KAZN: variants seen among roughly 807,000 people sequenced by gnomAD.
KAZN encodes the protein kazrin, periplakin interacting protein.
In KAZN, 40 loss-of-function variants were observed where a neutral mutation model predicts 87.4. The ratio of observed to expected loss-of-function variants is 0.46; its 90% CI spans 0.36 to 0.60. KAZN has a LOEUF of 0.60. KAZN is among the 20% of genes least tolerant of loss of function. The pLI, the probability that KAZN is intolerant of heterozygous loss-of-function variation, is 0.00. For synonymous variants in KAZN, 466 were observed against 458.3 expected (o/e 1.02, Z -0.22); for missense variants, 898 against 1,073.9 (o/e 0.84, Z 2.29).
intron 2 of KAZN, chr1:14,304,716 G>A (rs557823975): frequency 4.5e-5 from 18 of 398,070 alleles, no homozygotes; most frequent in African/African-American, 2.3e-4. Context: ...ATAACCACTC[G>A]AAATCTCTTT....
chr1:14,994,740 A>G (rs1667705236), intron 2 of KAZN, among the ~76,000 whole-genome samples: 1 of 152,212 alleles, frequency 6.6e-6, no homozygotes, highest in Admixed American at 6.5e-5. Context: ...TGTAGCATTT[A>G]CAGGTCCTTT....
At chr1:14,913,884 G>A (rs757667774) in intron 1 of KAZN, among the ~76,000 whole-genome samples, 5 of 152,236 alleles carry the variant, frequency 3.3e-5, no homozygotes, top group Admixed American at 6.5e-5. Flanking sequence ...CCAGGCAGGT[G>A]GCCTCCTGAC....
chr1:14,576,335 C>T (rs987451816), intron 2 of KAZN, among the ~76,000 whole-genome samples: 16 of 142,906 alleles, frequency 1.1e-4, no homozygotes, highest in African/African-American at 2.2e-4. Context: ...GATGGATGGA[C>T]GGACAGATAA....
intron 2 of KAZN, among the ~76,000 whole-genome samples, chr1:14,188,489 G>T (rs1019147372): frequency 6.6e-6 from 1 of 152,046 alleles, no homozygotes; most frequent in South Asian, 2.1e-4. Flanking sequence ...GGCTTTTCTA[G>T]CTAGATGCTG....
intron 2 of KAZN, among the ~76,000 whole-genome samples, chr1:14,265,821 C>A (rs1651431126): frequency 6.6e-6 from 1 of 152,172 alleles, no homozygotes. Flanking sequence ...GGGAGAGTTA[C>A]CAGCAGGTGG....
At chr1:14,384,100 G>C (rs1410563747) in intron 2 of KAZN, among the ~76,000 whole-genome samples, 1 of 151,112 alleles carries the variant, frequency 6.6e-6, no homozygotes, top group East Asian at 1.9e-4. Context: ...GTTCACTCAT[G>C]ATTTGGCTCT....
chr1:14,344,163 C>CTTTTT (rs55837460), intron 2 of KAZN, among the ~76,000 whole-genome samples: 5,668 of 122,460 alleles, frequency 0.046, 219 homozygotes, highest in Non-Finnish European at 0.053. Context: ...TTCATGTATT[C>CTTTTT]TTTTTTTTTT....
At chr1:14,652,398 C>T (rs1638438685) in intron 1 of KAZN, among the ~76,000 whole-genome samples, 1 of 134,750 alleles carries the variant, frequency 7.4e-6, no homozygotes, top group Non-Finnish European at 1.6e-5. Flanking sequence ...CCTCCTGTTT[C>T]TCTGTCTCAG....
intron 2 of KAZN, among the ~76,000 whole-genome samples, chr1:14,413,250 A>G (rs767532013): frequency 7.9e-5 from 12 of 151,956 alleles, no homozygotes; most frequent in Non-Finnish European, 1.5e-4. Flanking sequence ...CCATACGGAA[A>G]ATAATTAAAT....
At position 14,820,446 on chromosome 1, in the gene KAZN, A is replaced by G. The variant is rs1266612057; in HGVS notation, c.227-140238A>G. ...AGCCATGGCAAATGGGATGTGTCCCACTGCCCCCGTTTGGTGCCACAGTTG... is the reference window on the plus strand; with the variant it reads ...AGCCATGGCAAATGGGATGTGTCCCGCTGCCCCCGTTTGGTGCCACAGTTG... On this transcript the variant is annotated intron_variant, in intron 1 of 14. Transcript: ENST00000376030. This position sits in a 1 kb window ranked among gnomAD's most constrained non-coding sequence, Gnocchi z 4.1. Among the ~76,000 whole-genome samples the G allele has an allele frequency of 6.6e-6, 1 of 152,214 alleles. No homozygotes were observed. Among genetic ancestry groups the G allele is most frequent in the Non-Finnish European group, 1.5e-5 (1 of 68,024 alleles).
chr1:14,266,277 A>AC (rs1350456150), intron 2 of KAZN, among the ~76,000 whole-genome samples: 13 of 152,296 alleles, frequency 8.5e-5, no homozygotes, highest in African/African-American at 3.1e-4. Flanking sequence ...ACAGGTTAAA[A>AC]CCCAGCACTT....
intron 2 of KAZN, among the ~76,000 whole-genome samples, chr1:14,410,588 C>T (rs1168995284): frequency 6.6e-6 from 1 of 152,212 alleles, no homozygotes; most frequent in African/African-American, 2.4e-5. Context: ...AGGACCTTCA[C>T]AGATGTGAAA....
At chr1:14,656,585 G>T (rs1638806227) in intron 1 of KAZN, among the ~76,000 whole-genome samples, 1 of 152,226 alleles carries the variant, frequency 6.6e-6, no homozygotes, top group Admixed American at 6.5e-5. Context: ...TCACAGTTCT[G>T]CAGGCCCTAC....
At chr1:14,929,836 G>A in intron 1 of KAZN, 1 of 985,456 alleles carries the variant, frequency 1.0e-6, no homozygotes, top group Non-Finnish European at 1.2e-6. Flanking sequence ...CTGTTCACAA[G>A]GACAACCTCT....
chr1:14,714,095 G>T (rs1463985894), intron 1 of KAZN, among the ~76,000 whole-genome samples: 1 of 152,100 alleles, frequency 6.6e-6, no homozygotes, highest in Admixed American at 6.5e-5. Flanking sequence ...CCACATAACT[G>T]GGTCTTGCTC....
intron 2 of KAZN, among the ~76,000 whole-genome samples, chr1:14,345,483 C>G (rs957071215): frequency 7.6e-6 from 1 of 131,956 alleles, no homozygotes; most frequent in African/African-American, 3.1e-5. Context: ...TTATTTAGCA[C>G]AGTATGATAA....
intron 1 of KAZN, among the ~76,000 whole-genome samples, chr1:14,611,688 CAAAAAAA>C (rs34013908): frequency 8.4e-6 from 1 of 119,706 alleles, no homozygotes; most frequent in Non-Finnish European, 1.8e-5. Flanking sequence ...CACCCTGTCT[CAAAAAAA>C]AAAAAAAAAA....
chr1:14,635,827 T>C (rs1223966905), intron 1 of KAZN, among the ~76,000 whole-genome samples: 1 of 152,210 alleles, frequency 6.6e-6, no homozygotes, highest in Non-Finnish European at 1.5e-5. Context: ...CCTAAGACAG[T>C]GCACATGCCA....
chr1:14,304,986 G>A (rs1355152139), intron 2 of KAZN, among the ~76,000 whole-genome samples: 1 of 151,584 alleles, frequency 6.6e-6, no homozygotes, highest in Non-Finnish European at 1.5e-5. Context: ...AGATCTATGG[G>A]CCTTTGAGAA....
Sources: allele counts gnomAD v4.1 joint callset (sites outside exome capture counted in the v4.1 genomes callset), GRCh38; gene constraint gnomAD v4.1.1; non-coding constraint Gnocchi (gnomAD v3.1); transcripts MANE v1.5; gene names NCBI Gene and HGNC (gene_info 2026-07-23, HGNC 2026-07-21).